The following NPY2R variants were observed in gnomAD, a reference collection of about 807,000 sequenced individuals.
NPY2R encodes neuropeptide Y receptor type 2.
NPY2R carries 17 observed loss-of-function variants against 22.3 expected under a neutral mutation model. The observed-to-expected ratio is 0.76, with a 90% confidence interval of 0.52 to 1.14. NPY2R has a LOEUF of 1.14. Among genes scored for constraint, NPY2R ranks in the 50% most tolerant of loss-of-function variants. The probability of loss-of-function intolerance (pLI) is 0.00; values close to 1 mark genes in which losing one functional copy is unlikely to be tolerated. For missense variants in NPY2R, 424 were observed against 467.9 expected (o/e 0.91, Z 0.87); for synonymous variants, 209 against 183.4 (o/e 1.14, Z -1.13).
chr4:155,209,881 C>G (rs1249151929), intron 1 of NPY2R, among the ~76,000 whole-genome samples: 1 of 152,110 alleles, frequency 6.6e-6, no homozygotes. Context: ...TTAAACATCT[C>G]TCCTCAAAGC....
At chr4:155,201,619 A>G in the NPY2R span, among the ~76,000 whole-genome samples, 1 of 152,146 alleles carries the variant, frequency 6.6e-6, no homozygotes, top group Non-Finnish European at 1.5e-5. Context: ...GGATGATCAC[A>G]TGCCCTTTTA....
Position 155,213,898 on chromosome 4 carries a change from G to C in NPY2R, c.-42G>C. 6.6e-7 allele frequency: 1 copy of C among 1,503,810 alleles called. No individual in the cohort carries two copies. The highest frequency in any genetic ancestry group is 9.3e-7 in the Non-Finnish European group (1 of 1,080,094). 93.2% of individuals were successfully genotyped at this position (1,503,810 alleles called of 1,614,324 possible). On this transcript the variant is annotated 5_prime_UTR_variant, in exon 2 of 2. Transcript: ENST00000329476. ...TTTTGTTTTTTCTTTTTAGGTTGTA[G>C]ACTCTTGTGCTGGTTGCAGGCCAAG...
At chr4:155,178,732 A>G in the NPY2R span, among the ~76,000 whole-genome samples, 1 of 152,198 alleles carries the variant, frequency 6.6e-6, no homozygotes, top group African/African-American at 2.4e-5. Flanking sequence ...AATGCTTTAT[A>G]TTTATTAATG....
At chr4:155,183,702 C>G in the NPY2R span, among the ~76,000 whole-genome samples, 1 of 152,116 alleles carries the variant, frequency 6.6e-6, no homozygotes, top group Non-Finnish European at 1.5e-5. Context: ...CCATTGGAAC[C>G]ACTGGAATGC....
Position 155,214,948 on chromosome 4 carries a change from C to T in NPY2R, c.1009C>T (p.Leu337Phe). The change falls in exon 2 of 2, where the codon CTC becomes TTC. Residue 337 changes from leucine (L) to phenylalanine (F), a missense_variant. By Grantham distance (22) the Leu-to-Phe change is conservative (BLOSUM62 0). Transcript: ENST00000329476. ...WMNSNYRKAFLSAFRCEQRLD... is the reference protein window; with the variant it reads ...WMNSNYRKAFFSAFRCEQRLD... Reference sequence around the variant, plus strand: ...GAACAGCAACTACAGAAAGGCTTTCCTCTCGGCCTTCCGCTGTGAGCAGCG... The same window carrying T: ...GAACAGCAACTACAGAAAGGCTTTCTTCTCGGCCTTCCGCTGTGAGCAGCG... The T allele has an allele frequency of 1.2e-6, 2 of 1,614,218 alleles. No homozygotes were observed. Among genetic ancestry groups the T allele is most frequent in the Non-Finnish European group, 1.7e-6 (2 of 1,180,034 alleles).
At position 155,214,308 on chromosome 4, in the gene NPY2R, C is replaced by T. The variant is rs1560765101; in HGVS notation, c.369C>T (p.Cys123=). The change falls in exon 2 of 2, where the codon TGC becomes TGT. Residue 123 remains cysteine, a synonymous_variant. Coordinates refer to ENST00000329476, the MANE Select transcript of NPY2R (RefSeq NM_000910.4). The part of the protein sequence containing the change: ...MGEWKMGPVL[C]HLVPYAQGLA... ...AGTGGAAAATGGGTCCTGTCCTGTG[C>T]CACCTGGTGCCCTATGCCCAGGGCC... The T allele has an allele frequency of 1.9e-6, 3 of 1,614,190 alleles. No individual in the cohort carries two copies. The highest frequency in any genetic ancestry group is 2.2e-5 in the East Asian group (1 of 44,876).
At chr4:155,179,295 T>C in the NPY2R span, among the ~76,000 whole-genome samples, 5 of 152,210 alleles carry the variant, frequency 3.3e-5, no homozygotes, top group Non-Finnish European at 5.9e-5. Flanking sequence ...CTTCATTGTA[T>C]GTCTACTTAT....
rs772730960 is a variant in NPY2R, at chr4:155,214,571, A to G, written c.632A>G (p.Glu211Gly). The part of the protein sequence containing the change: ...VACTEKWPGE[E>G]KSIYGTVYSL... ...TGTACTGAAAAGTGGCCTGGCGAGG[A>G]GAAGAGCATCTATGGCACTGTCTAT... The change falls in exon 2 of 2, where the codon GAG becomes GGG. Residue 211 changes from glutamate (E) to glycine (G), a missense_variant. Coordinates refer to ENST00000329476, the MANE Select transcript of NPY2R (RefSeq NM_000910.4). 2.5e-6 allele frequency: 4 copies of G among 1,614,060 alleles called. No homozygotes were observed. In the East Asian group the frequency reaches 6.7e-5, roughly 27 times the overall value.
At chr4:155,203,979 G>C (rs1416178579), upstream of NPY2R, among the ~76,000 whole-genome samples, 1 of 152,126 alleles carries the variant, frequency 6.6e-6, no homozygotes, top group Non-Finnish European at 1.5e-5. Context: ...TTCCACTTCA[G>C]CTGGCTGTGC....
chr4:155,194,934 G>A, the NPY2R span, among the ~76,000 whole-genome samples: 8 of 151,890 alleles, frequency 5.3e-5, no homozygotes, highest in Non-Finnish European at 5.9e-5. Flanking sequence ...CATTCTGACT[G>A]GTGTGAGATG....
the NPY2R span, among the ~76,000 whole-genome samples, chr4:155,197,867 G>A: frequency 6.6e-6 from 1 of 151,876 alleles, no homozygotes; most frequent in African/African-American, 2.4e-5. Context: ...TGAAAAAATT[G>A]TATTATTTTA....
chr4:155,178,496 G>A, the NPY2R span, among the ~76,000 whole-genome samples: 1 of 152,108 alleles, frequency 6.6e-6, no homozygotes, highest in African/African-American at 2.4e-5. Context: ...TTATATAAAT[G>A]TCAATGAGGA....
the NPY2R span, among the ~76,000 whole-genome samples, chr4:155,177,770 C>T: frequency 1.3e-5 from 2 of 152,216 alleles, no homozygotes; most frequent in East Asian, 3.9e-4. Context: ...GTTAGCACCA[C>T]ATGTATGCCA....
At chr4:155,190,522 G>A in the NPY2R span, among the ~76,000 whole-genome samples, 278 of 152,056 alleles carry the variant, frequency 1.8e-3, no homozygotes, top group African/African-American at 6.5e-3. Context: ...GGGACAGATA[G>A]AGTAAAATAA....
Position 155,214,086 on chromosome 4 carries a change from A to G in NPY2R, c.147A>G (p.Val49=), listed in dbSNP as rs1367616107. 1 of 1,614,032 alleles carries G rather than the reference A, an allele frequency of 6.2e-7. No individual in the cohort carries two copies. Among genetic ancestry groups the G allele is most frequent in the Non-Finnish European group, 8.5e-7 (1 of 1,179,896 alleles). Residue 49 remains valine (V), a synonymous_variant, in exon 2 of 2, where the codon GTA becomes GTG. Coordinates refer to ENST00000329476, the MANE Select transcript of NPY2R (RefSeq NM_000910.4). ...TAGATAGTACCAAGCTGATTGAGGT[A>G]CAAGTTGTTCTCATATTGGCCTACT... is the stretch of plus-strand genomic sequence containing the variant. ...ELIDSTKLIE[V]QVVLILAYCS...
rs1304422795 is a variant in NPY2R, at chr4:155,216,773, T to C, written c.*1688T>C. ...TGTATATCTGTAATATATAATCAAA[T>C]GATTCATTTTTCTGTTAGACTAGGC... is the stretch of plus-strand genomic sequence containing the variant. On this transcript the variant is annotated 3_prime_UTR_variant, in exon 2 of 2. Transcript: ENST00000329476. 1 of 167,028 alleles carries C rather than the reference T, an allele frequency of 6.0e-6. No homozygotes were observed. The highest frequency in any genetic ancestry group is 1.9e-4 in the East Asian group (1 of 5,204). 10.3% of individuals were successfully genotyped at this position (167,028 alleles called of 1,614,324 possible).
At chr4:155,196,603 G>A in the NPY2R span, among the ~76,000 whole-genome samples, 2 of 151,878 alleles carry the variant, frequency 1.3e-5, no homozygotes, top group Non-Finnish European at 2.9e-5. Flanking sequence ...TTGAGTAGTA[G>A]TTTGAATTAG....
At chr4:155,177,949 A>C in the NPY2R span, among the ~76,000 whole-genome samples, 3 of 152,110 alleles carry the variant, frequency 2.0e-5, no homozygotes, top group East Asian at 5.8e-4. Flanking sequence ...CTGGTTGGAA[A>C]CTTACCTCAT....
the NPY2R span, among the ~76,000 whole-genome samples, chr4:155,189,892 C>T: frequency 6.6e-6 from 1 of 151,928 alleles, no homozygotes; most frequent in African/African-American, 2.4e-5. Flanking sequence ...TTTTGCATAT[C>T]CTTACTCTTT....
Sources: gnomAD v4.1 joint callset for allele counts (sites outside exome capture counted in the v4.1 genomes callset) on GRCh38, gnomAD v4.1.1 for gene constraint, MANE v1.5 for transcripts, NCBI Gene and HGNC (gene_info 2026-07-23, HGNC 2026-07-21) for gene names.